Variants in OLFM2 observed in about 807,000 individuals in gnomAD.
The protein encoded by OLFM2 is olfactomedin 2, also known as noelin-2.
A neutral mutation model predicts 43.9 loss-of-function variants in OLFM2; 20 were observed. The observed-to-expected ratio is 0.46, with a 90% confidence interval of 0.32 to 0.66. The LOEUF (loss-of-function observed/expected upper bound fraction) is 0.66. Among genes scored for constraint, OLFM2 ranks in the 30% least tolerant of loss-of-function variants. The probability of loss-of-function intolerance (pLI) is 0.04; values close to 1 mark genes in which losing one functional copy is unlikely to be tolerated. For synonymous variants in OLFM2, 268 were observed against 278.6 expected, an observed-to-expected ratio of 0.96 and a Z score of 0.38; for missense variants, 416 against 643.6, an observed-to-expected ratio of 0.65 and a Z score of 3.83.
intron 1 of OLFM2, among the ~76,000 whole-genome samples, chr19:9,922,766 C>T (rs1034674239): frequency 3.3e-5 from 5 of 151,494 alleles, no homozygotes; most frequent in African/African-American, 9.7e-5. Context: ...AAAAAATTCG[C>T]CAGGAGTGGT....
intron 2 of OLFM2, among the ~76,000 whole-genome samples, chr19:9,859,179 C>A (rs1436946099): frequency 6.6e-6 from 1 of 152,246 alleles, no homozygotes; most frequent in Non-Finnish European, 1.5e-5. Flanking sequence ...CTAATACCCA[C>A]CCTGAACGCC....
intron 1 of OLFM2, among the ~76,000 whole-genome samples, chr19:9,885,366 T>G (rs11879064): frequency 0.94 from 143,436 of 152,228 alleles, 68,049 homozygotes; most frequent in Non-Finnish European, 1. Flanking sequence ...GCTGAGAACA[T>G]GGTCTGGTGT....
Position 9,856,882 on chromosome 19 carries a change from G to A in OLFM2, c.612C>T (p.Pro204=). Reference sequence around the variant, plus strand: ...GGGACCCCATGGCCCGAACGGTGATGGGGTTACTGACCCCGGTCAGCTTCC... The same window carrying A: ...GGGACCCCATGGCCCGAACGGTGATAGGGTTACTGACCCCGGTCAGCTTCC... ...GCGKLTGVSN[P]ITVRAMGSRF... is the part of the protein sequence containing the mutation. Residue 204 remains proline, a synonymous_variant, in exon 5 of 6, where the codon CCC becomes CCT. Coordinates refer to ENST00000264833, the MANE Select transcript of OLFM2 (RefSeq NM_058164.4). The surrounding 1 kb of genome is among the most constrained non-coding windows in gnomAD (Gnocchi z 4.0). 1 of 1,612,694 alleles carries A rather than the reference G, an allele frequency of 6.2e-7. No homozygotes were observed. The highest frequency in any genetic ancestry group is 1.1e-5 in the South Asian group (1 of 90,668).
chr19:9,890,692 C>A (rs2046631261), intron 1 of OLFM2, among the ~76,000 whole-genome samples: 1 of 152,172 alleles, frequency 6.6e-6, no homozygotes, highest in Non-Finnish European at 1.5e-5. Flanking sequence ...GTGGCTCACA[C>A]CTGTAATCCC....
chr19:9,883,103 G>A (rs931927674), intron 1 of OLFM2, among the ~76,000 whole-genome samples: 2 of 151,758 alleles, frequency 1.3e-5, no homozygotes, highest in African/African-American at 2.4e-5. Flanking sequence ...CCAGCTACTT[G>A]GGAGGCTGAG....
chr19:9,918,890 G>A (rs189410356), intron 1 of OLFM2, among the ~76,000 whole-genome samples: 112 of 152,298 alleles, frequency 7.4e-4, no homozygotes, highest in Non-Finnish European at 4.6e-4. Context: ...ATGCAAATGG[G>A]CACGGGGGCT....
chr19:9,923,249 T>C lies in OLFM2; in HGVS notation c.63+13055A>G, dbSNP rs570975948. On this transcript the variant is annotated intron_variant, in intron 1 of 5. Coordinates refer to ENST00000264833, the MANE Select transcript of OLFM2 (RefSeq NM_058164.4). The stretch of plus-strand genomic sequence containing the variant: ...ACATGCACAGTGATAATTTTTTTTT[T>C]CTTGCTTAGAAACAGGGTGGAGTAG... 2.6e-5 allele frequency among the ~76,000 whole-genome samples: 4 copies of C among 152,210 alleles called. No individual in the cohort carries two copies. The South Asian group carries it at 8.3e-4, about 32-fold the overall frequency.
chr19:9,869,509 C>T (rs2145442756), intron 1 of OLFM2, among the ~76,000 whole-genome samples: 1 of 152,286 alleles, frequency 6.6e-6, no homozygotes, highest in East Asian at 1.9e-4. Context: ...TGATGACTAC[C>T]TACTTCTCTG....
intron 1 of OLFM2, among the ~76,000 whole-genome samples, chr19:9,892,121 G>A (rs1399810224): frequency 6.6e-6 from 1 of 152,028 alleles, no homozygotes; most frequent in African/African-American, 2.4e-5. Context: ...CTGTACGTGT[G>A]TGTGCCAGGG....
intron 2 of OLFM2, 55 bp downstream of exon 2, chr19:9,860,590 G>C (rs1032333704): frequency 4.5e-6 from 7 of 1,543,386 alleles, no homozygotes; most frequent in Non-Finnish European, 4.4e-6. Context: ...TGGAGGGCGG[G>C]GTGAGAACTG....
chr19:9,905,358 G>A (rs1428418879), intron 1 of OLFM2, among the ~76,000 whole-genome samples: 1 of 152,158 alleles, frequency 6.6e-6, no homozygotes, highest in Non-Finnish European at 1.5e-5. Flanking sequence ...TCGGGAGGCT[G>A]AGGCAGGAGA....
intron 1 of OLFM2, 73 bp from the exon 2 acceptor site, chr19:9,860,867 G>A: frequency 1.4e-6 from 2 of 1,481,154 alleles, no homozygotes; most frequent in South Asian, 2.5e-5. Context: ...GACAGGAAGG[G>A]GGCCCAAGGA....
In OLFM2 at chr19:9,907,010, C is replaced by G. The variant is rs182272457; in HGVS notation, c.63+29294G>C. On this transcript the variant is annotated intron_variant, in intron 1 of 5. Coordinates refer to ENST00000264833, the MANE Select transcript of OLFM2 (RefSeq NM_058164.4). ...GAGGGACGCCCTCCTGAGTGGCAGC[C>G]GGGGAGGGGGAATGGTGCTCGGGGG... 7.2e-3 allele frequency among the ~76,000 whole-genome samples: 1,090 copies of G among 151,700 alleles called. 9 individuals are homozygous for G. The highest frequency in any genetic ancestry group is 0.025 in the African/African-American group (1,023 of 41,386).
intron 1 of OLFM2, among the ~76,000 whole-genome samples, chr19:9,908,149 G>T (rs900174419): frequency 6.6e-6 from 1 of 151,954 alleles, no homozygotes; most frequent in African/African-American, 2.4e-5. Context: ...TCCAGACATG[G>T]GCCTCCTCCC....
chr19:9,855,327 G>A (rs1027318820), intron 5 of OLFM2, among the ~76,000 whole-genome samples: 11 of 146,742 alleles, frequency 7.5e-5, no homozygotes, highest in Admixed American at 4.9e-4. Flanking sequence ...TGCAACCTCC[G>A]CCTCCCAGGT....
At chr19:9,895,122 T>G (rs924087885) in intron 1 of OLFM2, among the ~76,000 whole-genome samples, 2 of 152,166 alleles carry the variant, frequency 1.3e-5, no homozygotes, top group African/African-American at 4.8e-5. Flanking sequence ...TGTTAACTCC[T>G]AGATAGCTTT....
chr19:9,882,551 A>AG (rs2046548358), intron 1 of OLFM2, among the ~76,000 whole-genome samples: 2 of 150,212 alleles, frequency 1.3e-5, no homozygotes, highest in Non-Finnish European at 3.0e-5. Flanking sequence ...AAAAAGAATT[A>AG]AATACATGAA....
rs540911474 is a variant in OLFM2 at position 9,863,609 on chromosome 19, C to T, written c.64-2815G>A. Among the ~76,000 whole-genome samples the T allele has an allele frequency of 7.2e-5, 11 of 152,066 alleles. No individual in the cohort carries two copies. In the South Asian group the frequency reaches 1.2e-3, roughly 17 times the overall value. On this transcript the variant is annotated intron_variant, in intron 1 of 5. Transcript: ENST00000264833. ...AAGCACCACAATCATTGATCATTTGCACAGCCATTACTAGATCTCCCAGCA... is the reference window on the plus strand; with the variant it reads ...AAGCACCACAATCATTGATCATTTGTACAGCCATTACTAGATCTCCCAGCA...
At chr19:9,900,736 T>C (rs2046724622) in intron 1 of OLFM2, among the ~76,000 whole-genome samples, 2 of 150,692 alleles carry the variant, frequency 1.3e-5, no homozygotes, top group Admixed American at 1.3e-4. Flanking sequence ...ACAAAAAAAT[T>C]AAAGATTAGC....
Sources: gnomAD v4.1 joint callset for allele counts (sites outside exome capture counted in the v4.1 genomes callset) on GRCh38, gnomAD v4.1.1 for gene constraint, Gnocchi (gnomAD v3.1) non-coding constraint, MANE v1.5 for transcripts, NCBI Gene and HGNC (gene_info 2026-07-23, HGNC 2026-07-21) for gene names.